PASD1: variants seen among roughly 807,000 people sequenced by gnomAD.
PASD1 encodes the protein circadian clock protein PASD1.
In PASD1, 13 loss-of-function variants were observed where a neutral mutation model predicts 58.8. The observed-to-expected ratio is 0.22, with a 90% confidence interval of 0.14 to 0.35. PASD1 has a LOEUF of 0.35. Among genes scored for constraint, PASD1 ranks in the 10% least tolerant of loss-of-function variants. The probability of loss-of-function intolerance (pLI) is 1.00; values close to 1 mark genes in which losing one functional copy is unlikely to be tolerated. For synonymous variants in PASD1, 236 were observed against 216.7 expected (o/e 1.09, Z -0.78); for missense variants, 734 against 568.3 (o/e 1.29, Z -2.96).
Position 151,659,813 on chromosome X carries a change from T to A in PASD1, c.818T>A (p.Leu273Gln). 8.3e-7 allele frequency: 1 copy of A among 1,206,760 alleles called. No individual in the cohort carries two copies. Among genetic ancestry groups the A allele is most frequent in the Non-Finnish European group, 1.1e-6 (1 of 891,901 alleles). ...DSTYCSSTVFLDTMPESPALS... is the reference protein window; with the variant it reads ...DSTYCSSTVFQDTMPESPALS... ...ACTTATTGCTCCAGTACAGTTTTCC[T>A]GGATACTATGCCTGAATCTCCAGGT... The change falls in exon 10 of 16, where the codon CTG becomes CAG. Residue 273 changes from leucine (L) to glutamine (Q), a missense_variant. Coordinates refer to ENST00000370357, the MANE Select transcript of PASD1 (RefSeq NM_173493.3).
At position 151,672,885 on chromosome X, in the gene PASD1, C is replaced by G. The variant is rs181604659; in HGVS notation, c.1916+224C>G. The G allele has an allele frequency of 1.2e-5, 6 of 497,087 alleles. No homozygotes were observed. The East Asian group carries it at 2.4e-4, about 20-fold the overall frequency. 41.0% of individuals were successfully genotyped at this position (497,087 alleles called of 1,213,427 possible). A position where few individuals can be genotyped will look rare whatever the true frequency, so the allele number is the denominator to read the frequency against. ...TCCATTGATGGAACAAAGGGGTACC[C>G]ATGAAGAAAGGACTAGATAAGGAAG... On this transcript the variant is annotated intron_variant, in intron 14 of 15. Coordinates refer to ENST00000370357, the MANE Select transcript of PASD1 (RefSeq NM_173493.3).
At chrX:151,577,375 T>C (rs181514237) in intron 1 of PASD1, among the ~76,000 whole-genome samples, 3 of 112,332 alleles carry the variant, frequency 2.7e-5, no homozygotes, top group Admixed American at 1.9e-4. Context: ...TTCAAAGTTA[T>C]TTCAATGGCA....
chrX:151,646,796 C>G (rs2014066446), intron 8 of PASD1, among the ~76,000 whole-genome samples: 4 of 112,437 alleles, frequency 3.6e-5, no homozygotes, highest in Admixed American at 1.9e-4. Context: ...CTGTTTATTC[C>G]TTTATTTACT....
At chrX:151,637,823 T>G (rs2013950211) in intron 8 of PASD1, among the ~76,000 whole-genome samples, 1 of 112,350 alleles carries the variant, frequency 8.9e-6, no homozygotes, top group South Asian at 3.7e-4. Context: ...TTCATCACTT[T>G]CCATCATTAC....
At chrX:151,574,640 A>G (rs1157619261) in intron 1 of PASD1, among the ~76,000 whole-genome samples, 1 of 111,916 alleles carries the variant, frequency 8.9e-6, no homozygotes, top group African/African-American at 3.3e-5. Flanking sequence ...ATTTTGCCAA[A>G]CATCAGAAAC....
intron 7 of PASD1, among the ~76,000 whole-genome samples, chrX:151,624,652 T>C (rs1437927872): frequency 8.9e-6 from 1 of 112,035 alleles, no homozygotes; most frequent in Non-Finnish European, 1.9e-5. Context: ...TCATTGTTAT[T>C]ACTGTCATTA....
intron 1 of PASD1, among the ~76,000 whole-genome samples, chrX:151,564,280 G>A (rs980152152): frequency 1.8e-5 from 2 of 112,541 alleles, no homozygotes; most frequent in Admixed American, 1.9e-4. Context: ...ACCACAGTCG[G>A]GGACGGTGTG....
rs764610027 is a variant in PASD1, at chrX:151,672,214, AGGAGCAGCAGCGGCAGCTGCG to A, written c.1478_1498del (p.Gln493_Gln499del). On this transcript the variant is annotated inframe_deletion, in exon 14 of 16. Coordinates refer to ENST00000370357, the MANE Select transcript of PASD1 (RefSeq NM_173493.3). ...CTGGTGCAGCAAGAACAACACCTGA[AGGAGCAGCAGCGGCAGCTGCG>A]GGAGCAGCTGCAACAGCTGAGAGAG... 0.013 allele frequency: 14,505 copies of A among 1,158,902 alleles called. 61 individuals are homozygous for A. The highest frequency in any genetic ancestry group is 0.014 in the Non-Finnish European group (12,376 of 870,941).
intron 8 of PASD1, among the ~76,000 whole-genome samples, chrX:151,630,630 G>A (rs903331172): frequency 1.8e-5 from 2 of 111,887 alleles, no homozygotes; most frequent in African/African-American, 6.5e-5. Flanking sequence ...ACCCTCTGGG[G>A]GATAGTTAGA....
At chrX:151,581,749 A>G (rs1045851685) in intron 1 of PASD1, among the ~76,000 whole-genome samples, 6 of 110,502 alleles carry the variant, frequency 5.4e-5, no homozygotes, top group Non-Finnish European at 7.6e-5. Flanking sequence ...ATGATGAAAA[A>G]GGAGAGAGGA....
At chrX:151,630,918 A>T (rs1171539248) in intron 8 of PASD1, among the ~76,000 whole-genome samples, 1 of 112,074 alleles carries the variant, frequency 8.9e-6, no homozygotes, top group Non-Finnish European at 1.9e-5. Flanking sequence ...CTACAGGTGT[A>T]CCGGAGTGGA....
chrX:151,646,690 G>A (rs1300586474), intron 8 of PASD1, among the ~76,000 whole-genome samples: 1 of 112,395 alleles, frequency 8.9e-6, no homozygotes, highest in Non-Finnish European at 1.9e-5. Context: ...ACAAATAGAA[G>A]CTCCAGCTTG....
chrX:151,614,348 A>T lies in PASD1; in HGVS notation c.207+2595A>T, dbSNP rs184206555. Among the ~76,000 whole-genome samples the T allele has an allele frequency of 1.4e-3, 159 of 111,556 alleles. 1 individual carries two copies. Among genetic ancestry groups the T allele is most frequent in the Admixed American group, 0.014 (144 of 10,507 alleles). On this transcript the variant is annotated intron_variant, in intron 4 of 15. Transcript: ENST00000370357. ...ATCTCCAAAGGCCCCACCTCTTAATATAATACCATCACATTGACAGCTAGA... is the reference window on the plus strand; with the variant it reads ...ATCTCCAAAGGCCCCACCTCTTAATTTAATACCATCACATTGACAGCTAGA...
chrX:151,653,649 A>G (rs2014163791), intron 9 of PASD1, among the ~76,000 whole-genome samples: 1 of 86,251 alleles, frequency 1.2e-5, no homozygotes. Context: ...CAGCTTAGGG[A>G]TGTTTTCTTC....
At chrX:151,594,679 ATAAAT>A (rs1382649477) in intron 1 of PASD1, among the ~76,000 whole-genome samples, 1 of 112,565 alleles carries the variant, frequency 8.9e-6, no homozygotes, top group Non-Finnish European at 1.9e-5. Flanking sequence ...TTTTATAGAA[ATAAAT>A]TAAAGAAGAT....
At chrX:151,625,042 C>G (rs1417488186) in intron 7 of PASD1, among the ~76,000 whole-genome samples, 1 of 112,081 alleles carries the variant, frequency 8.9e-6, no homozygotes, top group Non-Finnish European at 1.9e-5. Context: ...GCCCTTACAG[C>G]ACAAGGAACT....
intron 15 of PASD1, 146 bp from the exon 16 acceptor site, chrX:151,675,851 C>T (rs1274373777): frequency 2.8e-5 from 17 of 612,605 alleles, no homozygotes; most frequent in Admixed American, 2.1e-4. Flanking sequence ...GTAGCTCCTC[C>T]GTCTCCCATC....
At chrX:151,615,198 A>G (rs953483621) in intron 4 of PASD1, among the ~76,000 whole-genome samples, 3 of 108,966 alleles carry the variant, frequency 2.8e-5, no homozygotes, top group Non-Finnish European at 5.8e-5. Context: ...AAGATTTATC[A>G]TAGTGATGGT....
chrX:151,639,441 C>A (rs371636470), intron 8 of PASD1, among the ~76,000 whole-genome samples: 1 of 112,190 alleles, frequency 8.9e-6, no homozygotes. Context: ...AGATGTACAA[C>A]GAAACGAGAA....
Sources: gnomAD v4.1 joint callset for allele counts (sites outside exome capture counted in the v4.1 genomes callset) on GRCh38, gnomAD v4.1.1 for gene constraint, MANE v1.5 for transcripts, NCBI Gene and HGNC (gene_info 2026-07-23, HGNC 2026-07-21) for gene names.